Variants in RGS3 observed in about 807,000 individuals in gnomAD.
RGS3 encodes regulator of G-protein signalling 3.
RGS3 carries 80 observed loss-of-function variants against 132.6 expected under a neutral mutation model. The ratio of observed to expected loss-of-function variants is 0.60; its 90% CI spans 0.50 to 0.73. RGS3 has a LOEUF of 0.73. Ranked by LOEUF, RGS3 falls within the 30% of genes least tolerant of loss-of-function variation. The pLI, the probability that RGS3 is intolerant of heterozygous loss-of-function variation, is 0.00. For missense variants in RGS3, 1,382 were observed against 1,530.8 expected (o/e 0.90, Z 1.62); for synonymous variants, 598 against 620.6 (o/e 0.96, Z 0.54).
At chr9:113,571,209 A>G (rs1340970196) in intron 19 of RGS3, among the ~76,000 whole-genome samples, 4 of 152,182 alleles carry the variant, frequency 2.6e-5, no homozygotes, top group African/African-American at 9.7e-5. Flanking sequence ...TGCTGCTATG[A>G]ATATTCTTGT....
At chr9:113,446,491 C>T (rs1005220343) in intron 1 of RGS3, among the ~76,000 whole-genome samples, 1 of 152,196 alleles carries the variant, frequency 6.6e-6, no homozygotes, top group Non-Finnish European at 1.5e-5. Flanking sequence ...CAAATAACTG[C>T]AGGCCTCTGG....
At chr9:113,539,231 T>G (rs1832802418) in intron 19 of RGS3, among the ~76,000 whole-genome samples, 1 of 152,060 alleles carries the variant, frequency 6.6e-6, no homozygotes, top group African/African-American at 2.4e-5. Flanking sequence ...GCCACTAAGG[T>G]CTCCATCTCT....
At chr9:113,462,036 G>A (rs1302778053) in exon 3 of RGS3, 1 of 1,613,688 alleles carries the variant, frequency 6.2e-7, no homozygotes, top group African/African-American at 1.3e-5. Flanking sequence ...CCACGTCTCT[G>A]TGCTCAGTGT....
intron 24 of RGS3, 47 bp downstream of exon 22, chr9:113,595,812 A>C (rs1457062313): frequency 6.3e-7 from 1 of 1,587,810 alleles, no homozygotes. Flanking sequence ...CCCAGGGCCC[A>C]GTGGCCCTTC....
chr9:113,469,374 G>A (rs1829753372), intron 3 of RGS3, among the ~76,000 whole-genome samples: 1 of 152,134 alleles, frequency 6.6e-6, no homozygotes, highest in Non-Finnish European at 1.5e-5. Flanking sequence ...CTCATCATTT[G>A]CTGGTCATAC....
chr9:113,478,504 T>A (rs1447064623), intron 3 of RGS3, among the ~76,000 whole-genome samples: 2 of 152,152 alleles, frequency 1.3e-5, no homozygotes, highest in Non-Finnish European at 2.9e-5. Flanking sequence ...TGAAATTTGC[T>A]TGTTCCTTTA....
chr9:113,597,071 C>A, exon 25 of RGS3: 1 of 833,074 alleles, frequency 1.2e-6, no homozygotes, highest in Non-Finnish European at 1.9e-6. Context: ...TGTCTCTGGA[C>A]AGACGGATAG....
Position 113,591,512 on chromosome 9 carries a change from C to G in RGS3, c.3080+115C>G. 1.1e-6 allele frequency: 1 copy of G among 893,604 alleles called. No homozygotes were observed. The allele number at this position is 893,604 out of a possible 1,614,324, so 55.4% of individuals were successfully genotyped here. A position where few individuals can be genotyped will look rare whatever the true frequency, so the allele number is the denominator to read the frequency against. On this transcript the variant is annotated intron_variant, in intron 21 of 24. Coordinates refer to ENST00000350696, the Ensembl canonical transcript of RGS3. The surrounding 1 kb of genome is among the most constrained non-coding windows in gnomAD (Gnocchi z 4.4). ...AGGTTGTGCCTGGTCCCGCCCACAACCCCAGACAGACACCAAGGAAAAACT... is the reference window on the plus strand; with the variant it reads ...AGGTTGTGCCTGGTCCCGCCCACAAGCCCAGACAGACACCAAGGAAAAACT...
At chr9:113,512,022 C>T (rs1831426486) in intron 14 of RGS3, among the ~76,000 whole-genome samples, 1 of 152,226 alleles carries the variant, frequency 6.6e-6, no homozygotes, top group Non-Finnish European at 1.5e-5. Context: ...TACAATCCAC[C>T]AAGCTCTTTT....
intron 7 of RGS3, among the ~76,000 whole-genome samples, chr9:113,494,287 A>AC (rs1294779494): frequency 1.3e-5 from 2 of 151,940 alleles, no homozygotes; most frequent in Non-Finnish European, 2.9e-5. Context: ...GGAAAATTAA[A>AC]CCCCTAGTAA....
intron 7 of RGS3, among the ~76,000 whole-genome samples, chr9:113,491,146 ATTTATATATTATATATATTC>A (rs1232625127): frequency 1.4e-5 from 2 of 144,630 alleles, no homozygotes; most frequent in Non-Finnish European, 3.0e-5. Flanking sequence ...ATATATAATT[ATTTATATATTATATATATTC>A]TTTATATATT....
chr9:113,492,048 T>A (rs1170706621), intron 7 of RGS3, among the ~76,000 whole-genome samples: 1 of 152,128 alleles, frequency 6.6e-6, no homozygotes, highest in Non-Finnish European at 1.5e-5. Context: ...AAGGAAAAAG[T>A]GAATGGAAAA....
intron 14 of RGS3, 127 bp from the exon 13 acceptor site, chr9:113,514,331 C>T (rs186676416): frequency 3.7e-5 from 31 of 845,862 alleles, no homozygotes; most frequent in Non-Finnish European, 5.7e-5. Flanking sequence ...TGCGCAGGGC[C>T]TGGCACAAAG....
At chr9:113,594,010 T>G (rs906827464) in intron 21 of RGS3, 23 of 1,612,950 alleles carry the variant, frequency 1.4e-5, no homozygotes, top group Non-Finnish European at 1.8e-5. Context: ...CATGCCCCTT[T>G]CACGGCTCCC....
At chr9:113,576,736 G>A (rs1472230381) in intron 19 of RGS3, among the ~76,000 whole-genome samples, 1 of 152,196 alleles carries the variant, frequency 6.6e-6, no homozygotes, top group African/African-American at 2.4e-5. Flanking sequence ...ACAGAATTTG[G>A]ACTTTATCTG....
At chr9:113,445,199 T>C (rs889207036) in intron 1 of RGS3, among the ~76,000 whole-genome samples, 4 of 151,904 alleles carry the variant, frequency 2.6e-5, no homozygotes, top group Non-Finnish European at 5.9e-5. Flanking sequence ...TTTTTTTTTT[T>C]TGTTTTTTGT....
intron 7 of RGS3, among the ~76,000 whole-genome samples, chr9:113,488,551 T>C (rs1365709719): frequency 6.6e-6 from 1 of 152,156 alleles, no homozygotes; most frequent in East Asian, 1.9e-4. Flanking sequence ...CAGAAAGCCC[T>C]TTGGGTGGAG....
intron 1 of RGS3, among the ~76,000 whole-genome samples, chr9:113,460,966 G>T (rs1342597758): frequency 6.6e-6 from 1 of 152,016 alleles, no homozygotes; most frequent in South Asian, 2.1e-4. Context: ...TATGCATATG[G>T]TATATATGTA....
chr9:113,584,279 T>G, exon 20 of RGS3: 1 of 1,611,694 alleles, frequency 6.2e-7, no homozygotes, highest in Non-Finnish European at 8.5e-7. Context: ...GGGCCCTGCT[T>G]TGCCTCCGAC....
Sources: allele counts gnomAD v4.1 joint callset (sites outside exome capture counted in the v4.1 genomes callset), GRCh38; gene constraint gnomAD v4.1.1; non-coding constraint Gnocchi (gnomAD v3.1); transcripts MANE v1.5; gene names NCBI Gene and HGNC (gene_info 2026-07-23, HGNC 2026-07-21).